SAMMSON: variants seen among roughly 807,000 people sequenced by gnomAD.
SAMMSON encodes the protein survival associated mitochondrial melanoma specific oncogenic non-coding RNA, also known as long intergenic non-protein coding RNA 1212.
intron 4 of SAMMSON, among the ~76,000 whole-genome samples, chr3:70,154,636 A>G (rs2067584841): frequency 6.6e-6 from 1 of 152,106 alleles, no homozygotes; most frequent in Admixed American, 6.6e-5. Context: ...TGGGTACTTG[A>G]GCGAATGGCC....
intron 4 of SAMMSON, among the ~76,000 whole-genome samples, chr3:70,108,817 C>A (rs2067377734): frequency 6.6e-6 from 1 of 152,100 alleles, no homozygotes; most frequent in African/African-American, 2.4e-5. Flanking sequence ...GCATTTTGAT[C>A]TTGAACTTTT....
intron 4 of SAMMSON, among the ~76,000 whole-genome samples, chr3:70,219,342 T>C (rs1426367451): frequency 6.6e-6 from 1 of 152,214 alleles, no homozygotes; most frequent in Non-Finnish European, 1.5e-5. Flanking sequence ...GTTTTCTGCA[T>C]GCTCCCGATT....
At chr3:70,361,707 T>C (rs1194738892) in intron 9 of SAMMSON, among the ~76,000 whole-genome samples, 1 of 152,210 alleles carries the variant, frequency 6.6e-6, no homozygotes, top group Non-Finnish European at 1.5e-5. Flanking sequence ...TATCCATGTA[T>C]TTTTAGCGTC....
chr3:70,271,399 A>ACTGGAAGAG (rs1225372626), intron 6 of SAMMSON, among the ~76,000 whole-genome samples: 1 of 152,166 alleles, frequency 6.6e-6, no homozygotes, highest in Non-Finnish European at 1.5e-5. Context: ...GTTCCAGCTC[A>ACTGGAAGAG]CTGGAACCAT....
At position 70,307,553 on chromosome 3, in the gene SAMMSON, A is replaced by T. The variant is rs528278432; in HGVS notation, n.739+16310A>T. On this transcript the variant is annotated intron_variant and non_coding_transcript_variant, in intron 7 of 9. Coordinates refer to ENST00000642114, the Ensembl canonical transcript of SAMMSON. ...ACAATTTTTCCTCCATAAAGTTTTC[A>T]CATTTGGGCCTATTTTCTCCTTCTC... Among the ~76,000 whole-genome samples the T allele has an allele frequency of 5.9e-5, 9 of 151,870 alleles. No individual in the cohort carries two copies. In the South Asian group the frequency reaches 1.9e-3, roughly 32 times the overall value.
chr3:70,323,953 A>T (rs1285481879), intron 7 of SAMMSON, among the ~76,000 whole-genome samples: 1 of 152,040 alleles, frequency 6.6e-6, no homozygotes, highest in Non-Finnish European at 1.5e-5. Context: ...GTCCAAACTC[A>T]TGGGTTCTAC....
chr3:70,100,269 T>G (rs2106653568), intron 4 of SAMMSON, among the ~76,000 whole-genome samples: 1 of 152,096 alleles, frequency 6.6e-6, no homozygotes, highest in Middle Eastern at 3.4e-3. Flanking sequence ...ACCTCAGCCC[T>G]CTGAGTAACT....
At chr3:70,325,485 AT>A (rs1702571803) in intron 7 of SAMMSON, among the ~76,000 whole-genome samples, 1 of 152,138 alleles carries the variant, frequency 6.6e-6, no homozygotes, top group African/African-American at 2.4e-5. Context: ...AGAGGAAATA[AT>A]CAACTCAAAA....
chr3:70,110,552 C>T (rs1339193088), intron 4 of SAMMSON, among the ~76,000 whole-genome samples: 1 of 152,166 alleles, frequency 6.6e-6, no homozygotes, highest in Non-Finnish European at 1.5e-5. Context: ...ATCCCTATTT[C>T]TCTTTCAGAG....
intron 2 of SAMMSON, among the ~76,000 whole-genome samples, chr3:70,402,977 T>TCATAGTA (rs1701153076): frequency 6.6e-6 from 1 of 152,126 alleles, no homozygotes; most frequent in African/African-American, 2.4e-5. Flanking sequence ...TATATTTTCT[T>TCATAGTA]AATCAATATC....
intron 7 of SAMMSON, among the ~76,000 whole-genome samples, chr3:70,352,129 A>T (rs2106735348): frequency 6.7e-6 from 1 of 148,828 alleles, no homozygotes; most frequent in African/African-American, 2.5e-5. Flanking sequence ...AAAAAAAATG[A>T]TGAACCTATA....
Position 70,359,752 on chromosome 3 carries a change from CTTAA to C in SAMMSON, n.913+1432_913+1435del, listed in dbSNP as rs576938128. Among the ~76,000 whole-genome samples, 34 of 152,148 alleles carry C rather than the reference CTTAA, an allele frequency of 2.2e-4. No individual in the cohort carries two copies. In the South Asian group the frequency reaches 4.6e-3, roughly 20 times the overall value. ...GATACAGAGATAGTGCTTTTTTCTA[CTTAA>C]TTAGATTATTTTTTGTTTTATTTAG... On this transcript the variant is annotated intron_variant and non_coding_transcript_variant, in intron 9 of 9. Transcript: ENST00000642114.
intron 4 of SAMMSON, among the ~76,000 whole-genome samples, chr3:70,119,401 A>C (rs2067424178): frequency 6.6e-6 from 1 of 152,230 alleles, no homozygotes; most frequent in African/African-American, 2.4e-5. Flanking sequence ...ATTTACTTAG[A>C]AAACGGTAAT....
intron 4 of SAMMSON, among the ~76,000 whole-genome samples, chr3:70,191,630 G>C (rs548167873): frequency 2.0e-4 from 30 of 152,232 alleles, no homozygotes; most frequent in Non-Finnish European, 1.6e-4. Flanking sequence ...CATTGTACAG[G>C]ATAACAACTC....
At chr3:70,130,322 T>C (rs574800254) in intron 4 of SAMMSON, among the ~76,000 whole-genome samples, 1 of 152,350 alleles carries the variant, frequency 6.6e-6, no homozygotes, top group South Asian at 2.1e-4. Flanking sequence ...TTTGAGTTGA[T>C]GCTGCAATAA....
At chr3:70,305,504 A>T (rs528481374) in intron 7 of SAMMSON, among the ~76,000 whole-genome samples, 127 of 152,276 alleles carry the variant, frequency 8.3e-4, no homozygotes, top group Non-Finnish European at 1.8e-4. Flanking sequence ...TGAGTGAGAG[A>T]ATTAGATTGG....
intron 4 of SAMMSON, among the ~76,000 whole-genome samples, chr3:70,185,732 C>T (rs1701086721): frequency 6.8e-6 from 1 of 146,792 alleles, no homozygotes; most frequent in Admixed American, 7.1e-5. Flanking sequence ...TGTAGTGGCA[C>T]ATGCCTGTAG....
At chr3:70,254,436 C>T (rs576467329) in intron 6 of SAMMSON, among the ~76,000 whole-genome samples, 1 of 152,212 alleles carries the variant, frequency 6.6e-6, no homozygotes, top group South Asian at 2.1e-4. Context: ...ATAACATGAT[C>T]CATTTTAGAC....
At chr3:70,163,354 T>G (rs1202570049) in intron 4 of SAMMSON, among the ~76,000 whole-genome samples, 224 of 148,018 alleles carry the variant, frequency 1.5e-3, no homozygotes, top group African/African-American at 2.7e-3. Context: ...TATATATATA[T>G]AGAGAGAGAG....
Sources: gnomAD v4.1 joint callset for allele counts (sites outside exome capture counted in the v4.1 genomes callset) on GRCh38, gnomAD v4.1.1 for gene constraint, MANE v1.5 for transcripts, NCBI Gene and HGNC (gene_info 2026-07-23, HGNC 2026-07-21) for gene names.